The following C19orf38 variants were observed in gnomAD, a reference collection of about 807,000 sequenced individuals.
The protein encoded by C19orf38 is protein HIDE1.
In C19orf38, 14 loss-of-function variants were observed where a neutral mutation model predicts 26.6. That is an observed-to-expected ratio of 0.53 (90% CI 0.35 to 0.82). C19orf38 has a LOEUF of 0.82. Among genes scored for constraint, C19orf38 ranks in the 40% least tolerant of loss-of-function variants. C19orf38 has a pLI of 0.01. For missense variants in C19orf38, 261 were observed against 299.5 expected (o/e 0.87, Z 0.95); for synonymous variants, 132 against 128.5 (o/e 1.03, Z -0.18).
intron 3 of C19orf38, among the ~76,000 whole-genome samples, chr19:10,857,886 A>C (rs1183111326): frequency 8.4e-6 from 1 of 119,152 alleles, no homozygotes; most frequent in Non-Finnish European, 1.8e-5. Context: ...GTCTCAAAAA[A>C]CAACAAAAAA....
In C19orf38 at chr19:10,850,191, G is replaced by A. The variant is rs540844142; in HGVS notation, c.32-68G>A. On this transcript the variant is annotated intron_variant, in intron 1 of 6. Transcript: ENST00000397820. ...CTGAGGGAGGGTGGTCTACTTGCCCGAGGCCACATAGCCAGGGCAGCCTCC... is the reference window on the plus strand; with the variant it reads ...CTGAGGGAGGGTGGTCTACTTGCCCAAGGCCACATAGCCAGGGCAGCCTCC... 14 of 1,424,960 alleles carry A rather than the reference G, an allele frequency of 9.8e-6. No individual in the cohort carries two copies. The African/African-American group carries it at 1.1e-4, about 12-fold the overall frequency. 88.3% of individuals were successfully genotyped at this position (1,424,960 alleles called of 1,614,324 possible).
At chr19:10,848,395 C>A, upstream of C19orf38, 1 of 1,183,330 alleles carries the variant, frequency 8.5e-7, no homozygotes, top group Non-Finnish European at 1.2e-6. Flanking sequence ...AAACTCTCAG[C>A]TCGAGAATCA....
intron 6 of C19orf38, among the ~76,000 whole-genome samples, chr19:10,867,086 G>C (rs947443990): frequency 6.6e-6 from 1 of 151,298 alleles, no homozygotes; most frequent in African/African-American, 2.4e-5. Flanking sequence ...CACCGTGCCC[G>C]GCCCAGAAAT....
rs367700679 is a variant in C19orf38 at position 10,858,201 on chromosome 19, C to G, written c.434-115C>G. 1.6e-4 allele frequency: 168 copies of G among 1,026,142 alleles called. No individual in the cohort carries two copies. The African/African-American group carries it at 2.7e-3, about 17-fold the overall frequency. The allele number at this position is 1,026,142 out of a possible 1,614,324, so 63.6% of individuals were successfully genotyped here. On this transcript the variant is annotated intron_variant, in intron 3 of 6. Transcript: ENST00000397820. ...CAAGATTGAGCCACTGCACTCCAGC[C>G]TGGGTGAAAGAATGAGACTCTGTCT...
chr19:10,867,641 CTTTTTTTTTTTTTT>C (rs953156656), intron 6 of C19orf38, among the ~76,000 whole-genome samples: 1 of 58,840 alleles, frequency 1.7e-5, no homozygotes, highest in African/African-American at 6.6e-5. Context: ...GAAGAACATT[CTTTTTTTTTTTTTT>C]TTTTTTTTTT....
Position 10,856,349 on chromosome 19 carries a change from T to C in C19orf38, c.425T>C (p.Val142Ala), listed in dbSNP as rs1323587764. The C allele has an allele frequency of 1.3e-6, 2 of 1,550,992 alleles. No homozygotes were observed. The highest frequency in any genetic ancestry group is 1.7e-6 in the Non-Finnish European group (2 of 1,146,512). ...GGGCTGGTGGCTGTTGCCCTGGTGGTCAGAAAAGGTAACAGCACGCAAAGC... is the reference window on the plus strand; with the variant it reads ...GGGCTGGTGGCTGTTGCCCTGGTGGCCAGAAAAGGTAACAGCACGCAAAGC... ...LAGLVAVALV[V>A]RKVKLRNLQK... The change falls in exon 3 of 7, where the codon GTC becomes GCC. Residue 142 changes from valine (V) to alanine (A), a missense_variant. By Grantham distance (64) the Val-to-Ala change is moderately conservative. Transcript: ENST00000397820.
At chr19:10,855,339 T>A (rs989727682) in intron 2 of C19orf38, among the ~76,000 whole-genome samples, 1 of 151,778 alleles carries the variant, frequency 6.6e-6, no homozygotes, top group African/African-American at 2.4e-5. Context: ...AGCCATCTCT[T>A]TTTTTGTTTG....
chr19:10,839,435 T>A (rs1330083649), intron 1 of C19orf38, among the ~76,000 whole-genome samples: 2 of 152,164 alleles, frequency 1.3e-5, no homozygotes, highest in African/African-American at 2.4e-5. Flanking sequence ...AGAAAAGAAA[T>A]TCTGCTGAGG....
intron 1 of C19orf38, chr19:10,841,779 C>T (rs970750716): frequency 4.4e-6 from 4 of 915,330 alleles, no homozygotes; most frequent in Admixed American, 3.7e-5. Context: ...TCCCGACTAG[C>T]CTGGGCAGCA....
chr19:10,852,298 G>C (rs11881438), intron 2 of C19orf38, among the ~76,000 whole-genome samples: 35,503 of 152,130 alleles, frequency 0.23, 4,370 homozygotes, highest in Middle Eastern at 0.33. Flanking sequence ...ACTTACTATG[G>C]ACCAAGAACT....
At chr19:10,862,211 T>G (rs1323070982) in intron 5 of C19orf38, among the ~76,000 whole-genome samples, 1 of 148,310 alleles carries the variant, frequency 6.7e-6, no homozygotes, top group Non-Finnish European at 1.5e-5. Context: ...GTTTTTTTTT[T>G]TTTTTTTTTT....
chr19:10,859,452 G>A (rs1257318297), intron 4 of C19orf38, among the ~76,000 whole-genome samples: 3 of 142,152 alleles, frequency 2.1e-5, no homozygotes, highest in Admixed American at 7.4e-5. Context: ...GCGCAATCTC[G>A]GCTCACTGCA....
At chr19:10,857,366 A>ATATATATATATATATATATT (rs1433358051) in intron 3 of C19orf38, among the ~76,000 whole-genome samples, 3 of 56,080 alleles carry the variant, frequency 5.3e-5, no homozygotes, top group Admixed American at 2.2e-4. Flanking sequence ...ATATATATAT[A>ATATATATATATATATATATT]TTTTTTTTTT....
At chr19:10,857,366 A>ATATATATATATATATATATATT (rs1433358051) in intron 3 of C19orf38, among the ~76,000 whole-genome samples, 4 of 56,104 alleles carry the variant, frequency 7.1e-5, no homozygotes, top group Non-Finnish European at 1.1e-4. Context: ...ATATATATAT[A>ATATATATATATATATATATATT]TTTTTTTTTT....
intron 1 of C19orf38, chr19:10,841,910 G>A (rs2073480758): frequency 6.2e-7 from 1 of 1,600,186 alleles, no homozygotes. Context: ...CAAATGGAAT[G>A]CCAGTGTGGC....
At chr19:10,855,502 T>G (rs1305243233) in intron 2 of C19orf38, among the ~76,000 whole-genome samples, 1 of 151,954 alleles carries the variant, frequency 6.6e-6, no homozygotes, top group African/African-American at 2.4e-5. Flanking sequence ...ACCTGGCTAA[T>G]TATTTGTGGG....
At chr19:10,848,178 A>G (rs2073533203), upstream of C19orf38, among the ~76,000 whole-genome samples, 2 of 152,126 alleles carry the variant, frequency 1.3e-5, no homozygotes, top group African/African-American at 2.4e-5. Context: ...GCAACAGAGC[A>G]AGACTCTGTC....
chr19:10,861,151 A>G (rs1454931188), intron 5 of C19orf38, among the ~76,000 whole-genome samples: 1 of 152,222 alleles, frequency 6.6e-6, no homozygotes, highest in East Asian at 1.9e-4. Flanking sequence ...CAAAAAAGGA[A>G]GAAAGAAACA....
intron 2 of C19orf38, among the ~76,000 whole-genome samples, chr19:10,856,016 G>T (rs1022450932): frequency 6.6e-6 from 1 of 152,144 alleles, no homozygotes; most frequent in African/African-American, 2.4e-5. Flanking sequence ...TCTTTTCCCA[G>T]TGGTACCACC....
Sources: gnomAD v4.1 joint callset for allele counts (sites outside exome capture counted in the v4.1 genomes callset) on GRCh38, gnomAD v4.1.1 for gene constraint, MANE v1.5 for transcripts, NCBI Gene and HGNC (gene_info 2026-07-23, HGNC 2026-07-21) for gene names.